CFAP77: variants seen among roughly 807,000 people sequenced by gnomAD.
CFAP77 encodes cilia and flagella associated protein 77, also known as cilia- and flagella-associated protein 77.
CFAP77 carries 25 observed loss-of-function variants against 31.1 expected under a neutral mutation model. That is an observed-to-expected ratio of 0.80 (90% CI 0.59 to 1.12). The LOEUF (loss-of-function observed/expected upper bound fraction) is 1.12, where lower values mean the gene tolerates loss of function less well. Among genes scored for constraint, CFAP77 ranks in the 50% most tolerant of loss-of-function variants. The pLI is 0.00. For missense variants in CFAP77, 377 were observed against 397.3 expected (o/e 0.95, Z 0.44); for synonymous variants, 151 against 159.9 (o/e 0.94, Z 0.42).
At chr9:132,541,125 C>T (rs1047118974) in intron 4 of CFAP77, among the ~76,000 whole-genome samples, 1 of 152,198 alleles carries the variant, frequency 6.6e-6, no homozygotes, top group African/African-American at 2.4e-5. Context: ...CACCACAGAC[C>T]TCAGTGTCCT....
At position 132,511,824 on chromosome 9, in the gene CFAP77, G is replaced by A. The variant is rs1045109282; in HGVS notation, c.524+12224G>A. Among the ~76,000 whole-genome samples the A allele has an allele frequency of 3.9e-5, 6 of 152,220 alleles. No individual in the cohort carries two copies. The highest frequency in any genetic ancestry group is 5.9e-5 in the Non-Finnish European group (4 of 68,034). On this transcript the variant is annotated intron_variant, in intron 3 of 5. Transcript: ENST00000393216. The surrounding 1 kb of genome is among the most constrained non-coding windows in gnomAD (Gnocchi z 5.8). ...TCATCCCAGCACTGTGGGAGGCTGA[G>A]GCGGGCGGATCACGAGGTCAGGAGT...
chr9:132,471,455 C>G (rs1162484916), intron 1 of CFAP77, among the ~76,000 whole-genome samples: 1 of 152,018 alleles, frequency 6.6e-6, no homozygotes, highest in African/African-American at 2.4e-5. Flanking sequence ...CCCCCCCCAC[C>G]GTTGCCCACA....
intron 5 of CFAP77, among the ~76,000 whole-genome samples, chr9:132,566,827 T>TC (rs886888496): frequency 9.9e-5 from 15 of 152,062 alleles, no homozygotes; most frequent in African/African-American, 3.6e-4. Flanking sequence ...CCTTCCCACC[T>TC]CCCTCATCAC....
chr9:132,496,235 A>G (rs1851741125), intron 1 of CFAP77, among the ~76,000 whole-genome samples: 1 of 152,214 alleles, frequency 6.6e-6, no homozygotes, highest in Non-Finnish European at 1.5e-5. Context: ...TAAAGATTAG[A>G]TCCCTTTCCT....
chr9:132,417,823 GTTAAATGTCTGAAC>G (rs1380214563), intron 1 of CFAP77, among the ~76,000 whole-genome samples: 12 of 152,182 alleles, frequency 7.9e-5, no homozygotes, highest in African/African-American at 2.9e-4. Context: ...TTAAGTCAAC[GTTAAATGTCTGAAC>G]TTATAAAGAA....
intron 1 of CFAP77, among the ~76,000 whole-genome samples, chr9:132,471,253 T>C (rs1051650054): frequency 1.3e-5 from 2 of 152,158 alleles, no homozygotes; most frequent in African/African-American, 4.8e-5. Context: ...TGGGAAGTGA[T>C]GCTGAATGAG....
chr9:132,457,298 G>A (rs1037253769), intron 1 of CFAP77, among the ~76,000 whole-genome samples: 1 of 145,956 alleles, frequency 6.9e-6, no homozygotes, highest in Non-Finnish European at 1.5e-5. Flanking sequence ...ATCTTAAGAC[G>A]GGGACGGGGG....
At chr9:132,437,875 T>C (rs979714762) in intron 1 of CFAP77, among the ~76,000 whole-genome samples, 4 of 151,384 alleles carry the variant, frequency 2.6e-5, no homozygotes, top group Non-Finnish European at 4.4e-5. Flanking sequence ...TTTCACCATA[T>C]AGCTGTAATA....
In CFAP77 at chr9:132,455,588, C is replaced by A. The variant is rs480021; in HGVS notation, c.196-43107C>A. On this transcript the variant is annotated intron_variant, in intron 1 of 5. Transcript: ENST00000393216. This position sits in a 1 kb window ranked among gnomAD's most constrained non-coding sequence, Gnocchi z 4.1. ...CTACTAAAAATACAAAAAAATAGCT[C>A]TGTATGATGGTACATGCCTGTGGTC... Among the ~76,000 whole-genome samples, 64,683 of 151,454 alleles carry A rather than the reference C, an allele frequency of 0.43. 14,788 individuals carry two copies. Among genetic ancestry groups the A allele is most frequent in the African/African-American group, 0.61 (25,147 of 41,222 alleles).
chr9:132,548,495 G>A (rs368451153), intron 5 of CFAP77, among the ~76,000 whole-genome samples: 10 of 152,252 alleles, frequency 6.6e-5, no homozygotes, highest in East Asian at 5.8e-4. Context: ...CCAAACGCTC[G>A]CACGCTGCTG....
chr9:132,451,917 G>C (rs1446371102), intron 1 of CFAP77, among the ~76,000 whole-genome samples: 3 of 150,804 alleles, frequency 2.0e-5, no homozygotes, highest in Non-Finnish European at 4.4e-5. Flanking sequence ...CGATTCTCCT[G>C]CCTCAGCCTC....
intron 1 of CFAP77, among the ~76,000 whole-genome samples, chr9:132,483,896 C>T (rs1448002316): frequency 1.3e-5 from 2 of 151,574 alleles, no homozygotes; most frequent in South Asian, 2.1e-4. Context: ...CTCAGTTGCT[C>T]GACAGGAACC....
intron 3 of CFAP77, among the ~76,000 whole-genome samples, chr9:132,509,764 G>T (rs993139751): frequency 6.6e-6 from 1 of 152,088 alleles, no homozygotes; most frequent in Non-Finnish European, 1.5e-5. Context: ...GCAAAACTTT[G>T]TCTCAAACAA....
chr9:132,468,497 A>T (rs189191566), intron 1 of CFAP77, among the ~76,000 whole-genome samples: 1 of 152,066 alleles, frequency 6.6e-6, no homozygotes, highest in African/African-American at 2.4e-5. Flanking sequence ...CCCTGGGCCC[A>T]CCTCGTACTC....
At chr9:132,477,740 G>A (rs1851374227) in intron 1 of CFAP77, among the ~76,000 whole-genome samples, 1 of 152,140 alleles carries the variant, frequency 6.6e-6, no homozygotes. Context: ...GAATGCCAAG[G>A]CAGGTGTCTA....
chr9:132,415,542 TTC>T lies in CFAP77; in HGVS notation c.195+5077_195+5078del, dbSNP rs970586702. Among the ~76,000 whole-genome samples the T allele has an allele frequency of 3.3e-5, 5 of 152,322 alleles. 1 individual carries two copies. The highest frequency in any genetic ancestry group is 7.3e-5 in the Non-Finnish European group (5 of 68,028). On this transcript the variant is annotated intron_variant, in intron 1 of 5. Transcript: ENST00000393216. ...TTAAGCGCAGACCTCAGCACTCAGGTTCCTCCTGTTGAACTCAGCACTTTCCT... is the reference window on the plus strand; with the variant it reads ...TTAAGCGCAGACCTCAGCACTCAGGTCTCCTGTTGAACTCAGCACTTTCCT...
chr9:132,432,681 G>A (rs1172650673), intron 1 of CFAP77, among the ~76,000 whole-genome samples: 3 of 151,576 alleles, frequency 2.0e-5, no homozygotes, highest in African/African-American at 7.3e-5. Context: ...ATAGGCATGC[G>A]CCACCACACC....
chr9:132,568,089 C>T (rs552070535), intron 5 of CFAP77, among the ~76,000 whole-genome samples: 6 of 152,120 alleles, frequency 3.9e-5, no homozygotes, highest in Non-Finnish European at 8.8e-5. Flanking sequence ...AGGTGGTCTG[C>T]AGAGCTATAC....
At chr9:132,471,651 T>G (rs966095957) in intron 1 of CFAP77, among the ~76,000 whole-genome samples, 8 of 152,054 alleles carry the variant, frequency 5.3e-5, no homozygotes, top group South Asian at 4.1e-4. Context: ...ATTACAGGAT[T>G]TTTCTATGCA....
Sources: gnomAD v4.1 joint callset for allele counts (sites outside exome capture counted in the v4.1 genomes callset) on GRCh38, gnomAD v4.1.1 for gene constraint, Gnocchi (gnomAD v3.1) non-coding constraint, MANE v1.5 for transcripts, NCBI Gene and HGNC (gene_info 2026-07-23, HGNC 2026-07-21) for gene names.